The following CSGALNACT1 variants were observed in gnomAD, a reference collection of about 807,000 sequenced individuals.
CSGALNACT1 encodes beta4GalNAcT-1.
In CSGALNACT1, 52 loss-of-function variants were observed where a neutral mutation model predicts 51.0. The observed-to-expected ratio is 1.02, with a 90% CI of 0.82 to 1.29. CSGALNACT1 has a LOEUF of 1.29. CSGALNACT1 is among the 50% of genes most tolerant of loss of function. The pLI is 0.00. For missense variants in CSGALNACT1, 935 were observed against 679.2 expected (o/e 1.38, Z -4.19); for synonymous variants, 341 against 254.4 (o/e 1.34, Z -3.24).
intron 1 of CSGALNACT1, among the ~76,000 whole-genome samples, chr8:19,628,090 G>A (rs2054676292): frequency 6.6e-6 from 1 of 152,112 alleles, no homozygotes; most frequent in African/African-American, 2.4e-5. Context: ...ACATTGCTCT[G>A]AGAACTTTAC....
At chr8:19,576,038 T>G (rs1588572340) in intron 3 of CSGALNACT1, among the ~76,000 whole-genome samples, 1 of 151,888 alleles carries the variant, frequency 6.6e-6, no homozygotes, top group Non-Finnish European at 1.5e-5. Context: ...CAGGAAGAGG[T>G]AGGTGGGCCG....
intron 5 of CSGALNACT1, chr8:19,457,826 G>A (rs1204623301): frequency 7.4e-7 from 1 of 1,350,502 alleles, no homozygotes; most frequent in East Asian, 4.6e-5. Context: ...CCTGAAAAAT[G>A]AAACCCAGCT....
chr8:19,644,197 C>T (rs765285961), intron 1 of CSGALNACT1, among the ~76,000 whole-genome samples: 55 of 151,964 alleles, frequency 3.6e-4, no homozygotes, highest in Non-Finnish European at 5.3e-4. Flanking sequence ...TGCACACACA[C>T]GGATTAAAGG....
At chr8:19,460,598 C>T (rs1481446019) in intron 4 of CSGALNACT1, among the ~76,000 whole-genome samples, 1 of 152,148 alleles carries the variant, frequency 6.6e-6, no homozygotes, top group South Asian at 2.1e-4. Flanking sequence ...AATCAATCTC[C>T]AGGGAGAAAT....
intron 1 of CSGALNACT1, among the ~76,000 whole-genome samples, chr8:19,729,765 C>T (rs2063589106): frequency 6.6e-6 from 1 of 151,938 alleles, no homozygotes; most frequent in African/African-American, 2.4e-5. Context: ...CTGCTTTGAC[C>T]ACACAGAGAA....
At chr8:19,668,959 T>C (rs548313675) in intron 1 of CSGALNACT1, among the ~76,000 whole-genome samples, 1 of 152,328 alleles carries the variant, frequency 6.6e-6, no homozygotes, top group African/African-American at 2.4e-5. Flanking sequence ...TCTATGAATT[T>C]CCAGTGATCA....
chr8:19,511,749 T>C (rs796429390), intron 3 of CSGALNACT1, among the ~76,000 whole-genome samples: 11 of 152,242 alleles, frequency 7.2e-5, no homozygotes, highest in African/African-American at 2.6e-4. Flanking sequence ...TACCTGAGAC[T>C]GGGTAATTTA....
chr8:19,539,002 C>T (rs1006507427), intron 3 of CSGALNACT1, among the ~76,000 whole-genome samples: 2 of 152,186 alleles, frequency 1.3e-5, no homozygotes, highest in Non-Finnish European at 2.9e-5. Context: ...TTGTGCTGGG[C>T]ATACAGGAGA....
chr8:19,463,192 A>G (rs557218230), intron 4 of CSGALNACT1, among the ~76,000 whole-genome samples: 1 of 152,178 alleles, frequency 6.6e-6, no homozygotes, highest in African/African-American at 2.4e-5. Context: ...CATGGTATAC[A>G]AGTATCACAT....
chr8:19,651,342 C>G (rs1020191683), intron 1 of CSGALNACT1, among the ~76,000 whole-genome samples: 5 of 152,058 alleles, frequency 3.3e-5, no homozygotes, highest in African/African-American at 1.2e-4. Context: ...TGCAGACATT[C>G]TGTACACAGA....
intron 3 of CSGALNACT1, chr8:19,532,028 G>A (rs903292147): frequency 6.6e-6 from 1 of 152,014 alleles, no homozygotes; most frequent in African/African-American, 2.4e-5. Flanking sequence ...CCTATTCTAA[G>A]GAAAATAGTC....
intron 5 of CSGALNACT1, among the ~76,000 whole-genome samples, chr8:19,444,313 G>GA (rs1418876237): frequency 6.6e-6 from 1 of 152,018 alleles, no homozygotes; most frequent in African/African-American, 2.4e-5. Flanking sequence ...TAATGACAAG[G>GA]AAAAAAAAGT....
At chr8:19,612,052 T>C (rs914757344) in intron 1 of CSGALNACT1, among the ~76,000 whole-genome samples, 1 of 152,154 alleles carries the variant, frequency 6.6e-6, no homozygotes, top group African/African-American at 2.4e-5. Flanking sequence ...GGATTAAAAA[T>C]TCTCCATGAG....
chr8:19,561,497 T>C (rs1339915984), intron 3 of CSGALNACT1, among the ~76,000 whole-genome samples: 2 of 152,004 alleles, frequency 1.3e-5, no homozygotes, highest in Admixed American at 6.5e-5. Context: ...GCTCTTCACT[T>C]GCAAGCCCTC....
intron 3 of CSGALNACT1, among the ~76,000 whole-genome samples, chr8:19,545,655 A>C (rs2086290041): frequency 6.6e-6 from 1 of 152,064 alleles, no homozygotes; most frequent in East Asian, 1.9e-4. Flanking sequence ...GTAGTAAAAC[A>C]ATAAGGGAGA....
At chr8:19,664,030 G>A (rs757837619) in intron 1 of CSGALNACT1, among the ~76,000 whole-genome samples, 11 of 152,050 alleles carry the variant, frequency 7.2e-5, no homozygotes, top group South Asian at 2.1e-4. Context: ...TGGTGAAAGC[G>A]CGGGCCAGGG....
rs1174333051 is a variant in CSGALNACT1, at chr8:19,578,186, C to T, written c.-297+12974G>A. The stretch of plus-strand genomic sequence containing the variant: ...GATGCCATCATCAAATTCTATCCCC[C>T]TAGCTAGTCACTATGCCATTTGCAT... On this transcript the variant is annotated intron_variant, in intron 3 of 9. Coordinates refer to ENST00000454498, the Ensembl canonical transcript of CSGALNACT1. Among the ~76,000 whole-genome samples, 3 of 152,218 alleles carry T rather than the reference C, an allele frequency of 2.0e-5. 1 individual carries two copies. Among genetic ancestry groups the T allele is most frequent in the African/African-American group, 7.2e-5 (3 of 41,456 alleles).
rs1564387063 is a variant in CSGALNACT1, at chr8:19,667,047, GAAAGA to G, written c.-544+15421_-544+15425del. Among the ~76,000 whole-genome samples the G allele has an allele frequency of 7.7e-4, 64 of 83,296 alleles. 3 individuals are homozygous for G. Among genetic ancestry groups the G allele is most frequent in the South Asian group, 4.0e-3 (10 of 2,518 alleles). The allele number at this position is 83,296 out of a possible 152,430, so 54.6% of individuals were successfully genotyped here. Reference sequence around the variant, plus strand: ...AGGAAGGAAGGAAGGAAGGAAGAAAGAAAGAAAGAAAGAAAGAAAGAAAGAAAGAA... The same window carrying G: ...AGGAAGGAAGGAAGGAAGGAAGAAAGAAGAAAGAAAGAAAGAAAGAAAGAA... On this transcript the variant is annotated intron_variant, in intron 1 of 9. Coordinates refer to the CSGALNACT1 transcript ENST00000332246.
At chr8:19,670,853 C>T (rs2059749820) in intron 1 of CSGALNACT1, among the ~76,000 whole-genome samples, 1 of 152,106 alleles carries the variant, frequency 6.6e-6, no homozygotes, top group South Asian at 2.1e-4. Context: ...GGTTAATGTC[C>T]ATTGTAAATA....
Sources: allele counts gnomAD v4.1 joint callset (sites outside exome capture counted in the v4.1 genomes callset), GRCh38; gene constraint gnomAD v4.1.1; transcripts MANE v1.5; gene names NCBI Gene and HGNC (gene_info 2026-07-23, HGNC 2026-07-21).